Variants in DNAJC7 observed in about 807,000 individuals in gnomAD.
DNAJC7 encodes DnaJ heat shock protein family (Hsp40) member C7.
In DNAJC7, 18 loss-of-function variants were observed where a neutral mutation model predicts 67.4. The ratio of observed to expected loss-of-function variants is 0.27; its 90% confidence interval spans 0.18 to 0.40. The LOEUF (loss-of-function observed/expected upper bound fraction) is 0.40, where lower values mean the gene tolerates loss of function less well. Among genes scored for constraint, DNAJC7 ranks in the 10% least tolerant of loss-of-function variants. The pLI is 1.00. For missense variants in DNAJC7, 419 were observed against 613.8 expected (o/e 0.68, Z 3.35); for synonymous variants, 220 against 207.8 (o/e 1.06, Z -0.50).
chr17:41,998,406 A>T (rs1361479535), intron 2 of DNAJC7, among the ~76,000 whole-genome samples: 3 of 152,192 alleles, frequency 2.0e-5, no homozygotes, highest in African/African-American at 7.2e-5. Flanking sequence ...TAGGAGGTGA[A>T]GGTTGCAATA....
chr17:41,993,854 T>G (rs1392712793), intron 5 of DNAJC7, among the ~76,000 whole-genome samples: 2 of 140,892 alleles, frequency 1.4e-5, no homozygotes, highest in African/African-American at 5.3e-5. Flanking sequence ...CTGACCAACA[T>G]GCAGAAACCC....
chr17:41,995,769 T>C (rs111327048), intron 4 of DNAJC7, among the ~76,000 whole-genome samples: 1 of 152,254 alleles, frequency 6.6e-6, no homozygotes, highest in Non-Finnish European at 1.5e-5. Flanking sequence ...AAACATGTTT[T>C]AGCTGCTACC....
chr17:41,979,555 C>T (rs1374860768), intron 12 of DNAJC7, among the ~76,000 whole-genome samples: 1 of 149,242 alleles, frequency 6.7e-6, no homozygotes, highest in Non-Finnish European at 1.5e-5. Context: ...GCCTGTAATC[C>T]CAGCTGCTCA....
intron 9 of DNAJC7, 72 bp downstream of exon 9, chr17:41,987,747 C>T (rs563313351): frequency 4.5e-6 from 6 of 1,323,802 alleles, no homozygotes; most frequent in Non-Finnish European, 6.3e-6. Flanking sequence ...GGGTCTGCTT[C>T]GTCATCCACA....
intron 1 of DNAJC7, chr17:42,016,906 A>C: frequency 9.3e-7 from 1 of 1,072,450 alleles, no homozygotes; most frequent in Non-Finnish European, 1.1e-6. Context: ...TACAAGGGAA[A>C]ACGGGGTGAG....
chr17:41,988,466 T>A (rs1296020467), intron 8 of DNAJC7, among the ~76,000 whole-genome samples: 3 of 152,208 alleles, frequency 2.0e-5, no homozygotes, highest in Non-Finnish European at 4.4e-5. Flanking sequence ...TGCTTAAGAT[T>A]ATCCCACAGA....
intron 1 of DNAJC7, among the ~76,000 whole-genome samples, chr17:42,005,565 A>G (rs1026919205): frequency 4.6e-5 from 7 of 152,172 alleles, no homozygotes; most frequent in African/African-American, 1.7e-4. Flanking sequence ...TTGACATATC[A>G]CGTATTTGCA....
chr17:42,000,624 G>C (rs2051784266), intron 1 of DNAJC7, 54 bp from the exon 2 acceptor site: 3 of 1,374,262 alleles, frequency 2.2e-6, no homozygotes, highest in Admixed American at 1.9e-5. Context: ...AATAACCTCT[G>C]TAATCTTACA....
At chr17:41,993,219 G>C (rs1035789720) in intron 5 of DNAJC7, among the ~76,000 whole-genome samples, 10 of 152,296 alleles carry the variant, frequency 6.6e-5, no homozygotes, top group Admixed American at 2.6e-4. Flanking sequence ...CAGCACTTTG[G>C]GAGGCCAAGG....
At chr17:42,013,603 C>G (rs1271189375) in intron 1 of DNAJC7, 1 of 152,264 alleles carries the variant, frequency 6.6e-6, no homozygotes, top group Non-Finnish European at 1.5e-5. Flanking sequence ...GAACTCTAAC[C>G]AAGCCAGACA....
At chr17:41,987,493 T>C (rs1216153465) in intron 9 of DNAJC7, 1 of 270,426 alleles carries the variant, frequency 3.7e-6, no homozygotes, top group African/African-American at 2.2e-5. Context: ...TGTGCCAGGG[T>C]AGAGCATAAG....
chr17:41,998,626 T>A (rs186810646), intron 2 of DNAJC7, among the ~76,000 whole-genome samples: 37 of 152,308 alleles, frequency 2.4e-4, no homozygotes, highest in African/African-American at 8.7e-4. Context: ...ATGAACTGTT[T>A]TGTATAATGA....
chr17:42,016,843 T>G (rs1555651981), intron 1 of DNAJC7: 2 of 633,792 alleles, frequency 3.2e-6, no homozygotes, highest in African/African-American at 2.0e-5. Flanking sequence ...CCAGGTCAAT[T>G]ATGGAGACAC....
In DNAJC7 at chr17:41,981,905, G is replaced by C. The variant is rs782548011; in HGVS notation, c.1334C>G (p.Thr445Ser). 1 of 1,613,950 alleles carries C rather than the reference G, an allele frequency of 6.2e-7. No individual in the cohort carries two copies. The highest frequency in any genetic ancestry group is 8.5e-7 in the Non-Finnish European group (1 of 1,179,898). ...TAGGTCCTGTCCACTGTCATAGCGA[G>C]TCTTTTTCTTGGGATCAGAGAGGAT... The part of the protein sequence containing the change: ...FTILSDPKKK[T>S]RYDSGQDLDE... The change falls in exon 12 of 14, where the codon ACT becomes AGT. Residue 445 changes from threonine (T) to serine (S), a missense_variant. This residue lies in a region of DNAJC7 where 161 missense variants were observed against 252.2 expected (regional missense o/e 0.64). Transcript: ENST00000457167.
chr17:41,979,892 C>T (rs1191193069), intron 12 of DNAJC7, among the ~76,000 whole-genome samples: 3 of 150,932 alleles, frequency 2.0e-5, no homozygotes, highest in Non-Finnish European at 3.0e-5. Context: ...ACCCTGGAGG[C>T]GGAGGTTGCA....
intron 1 of DNAJC7, among the ~76,000 whole-genome samples, chr17:42,005,623 C>A (rs1483584475): frequency 6.6e-6 from 1 of 152,158 alleles, no homozygotes; most frequent in Non-Finnish European, 1.5e-5. Flanking sequence ...AAATTTATTC[C>A]ACCTCACTGC....
intron 2 of DNAJC7, among the ~76,000 whole-genome samples, chr17:41,999,112 C>A (rs188075234): frequency 4.8e-4 from 73 of 150,682 alleles, no homozygotes; most frequent in African/African-American, 1.8e-3. Context: ...GACGGAGATT[C>A]GCGCTTGTTG....
At chr17:41,990,445 A>G (rs919695418) in intron 5 of DNAJC7, 63 bp from the exon 6 acceptor site, 30 of 1,411,328 alleles carry the variant, frequency 2.1e-5, no homozygotes, top group Non-Finnish European at 2.7e-5. Flanking sequence ...TCTTCACTTT[A>G]GTTTAGTCAC....
intron 1 of DNAJC7, chr17:42,016,951 A>G (rs2052314986): frequency 2.5e-6 from 3 of 1,178,758 alleles, no homozygotes; most frequent in Non-Finnish European, 3.2e-6. Flanking sequence ...AAGTGCAGAC[A>G]GGCAACAATG....
Sources: allele counts gnomAD v4.1 joint callset (sites outside exome capture counted in the v4.1 genomes callset), GRCh38; gene constraint gnomAD v4.1.1; regional missense constraint gnomAD v4.1.1; transcripts MANE v1.5; gene names NCBI Gene and HGNC (gene_info 2026-07-23, HGNC 2026-07-21).